Variants in RNGTT observed in about 807,000 individuals in gnomAD.
RNGTT encodes the protein RNA guanylyltransferase and 5'-phosphatase.
A neutral mutation model predicts 79.3 loss-of-function variants in RNGTT; 33 were observed. The observed-to-expected ratio is 0.42, with a 90% confidence interval of 0.32 to 0.56. The LOEUF (loss-of-function observed/expected upper bound fraction) is 0.56. Ranked by LOEUF, RNGTT falls within the 20% of genes least tolerant of loss-of-function variation. The probability of loss-of-function intolerance (pLI) is 0.17; values close to 1 mark genes in which losing one functional copy is unlikely to be tolerated. For synonymous variants in RNGTT, 222 were observed against 235.9 expected (o/e 0.94, Z 0.54); for missense variants, 497 against 739.1 (o/e 0.67, Z 3.80).
chr6:88,630,573 C>T lies in RNGTT; in HGVS notation c.1507-16178G>A, dbSNP rs189260510. 1.9e-3 allele frequency among the ~76,000 whole-genome samples: 290 copies of T among 152,290 alleles called. 4 individuals are homozygous for T. Among genetic ancestry groups the T allele is most frequent in the African/African-American group, 6.8e-3 (284 of 41,560 alleles). On this transcript the variant is annotated intron_variant, in intron 14 of 15. Coordinates refer to ENST00000369485, the MANE Select transcript of RNGTT (RefSeq NM_003800.5). Reference sequence around the variant, plus strand: ...TTGAGTAGGCCCACTGCAAAGCTTACTGATGGCAGAGCAAATAGCTGAATT... The same window carrying T: ...TTGAGTAGGCCCACTGCAAAGCTTATTGATGGCAGAGCAAATAGCTGAATT...
At chr6:88,808,512 A>G (rs1780033116) in intron 11 of RNGTT, among the ~76,000 whole-genome samples, 1 of 152,226 alleles carries the variant, frequency 6.6e-6, no homozygotes, top group Non-Finnish European at 1.5e-5. Flanking sequence ...ATCAAGTAGT[A>G]TGATAGTAGA....
intron 13 of RNGTT, among the ~76,000 whole-genome samples, chr6:88,737,614 T>G (rs995090822): frequency 6.6e-6 from 1 of 152,038 alleles, no homozygotes; most frequent in African/African-American, 2.4e-5. Flanking sequence ...CCTGATACAA[T>G]AGGATTAGAA....
intron 14 of RNGTT, among the ~76,000 whole-genome samples, chr6:88,621,926 A>ATGT (rs1377860794): frequency 6.6e-6 from 1 of 152,002 alleles, no homozygotes; most frequent in Non-Finnish European, 1.5e-5. Flanking sequence ...AAATAACCTG[A>ATGT]TGTTAACCAG....
Position 88,655,436 on chromosome 6 carries a change from C to T in RNGTT, c.1506+22917G>A, listed in dbSNP as rs116186521. 2.6e-3 allele frequency among the ~76,000 whole-genome samples: 399 copies of T among 152,196 alleles called. 1 individual carries two copies. Among genetic ancestry groups the T allele is most frequent in the African/African-American group, 9.0e-3 (373 of 41,542 alleles). On this transcript the variant is annotated intron_variant, in intron 14 of 15. Coordinates refer to ENST00000369485, the MANE Select transcript of RNGTT (RefSeq NM_003800.5). ...TCTTTGCATCTATTGCATATGCACA[C>T]GAATACAAACATCACTCTTACGTTT...
chr6:88,791,746 A>G (rs1010680084), intron 12 of RNGTT, among the ~76,000 whole-genome samples: 8 of 151,816 alleles, frequency 5.3e-5, no homozygotes, highest in Admixed American at 3.3e-4. Flanking sequence ...TCACCACGTT[A>G]GCCAGGATGG....
At chr6:88,882,306 G>C (rs1040123363) in intron 8 of RNGTT, among the ~76,000 whole-genome samples, 2 of 152,150 alleles carry the variant, frequency 1.3e-5, no homozygotes, top group Admixed American at 6.5e-5. Flanking sequence ...GCTCTAAATT[G>C]AATTTGTGCC....
intron 13 of RNGTT, among the ~76,000 whole-genome samples, chr6:88,712,123 A>T (rs1264752421): frequency 6.6e-6 from 1 of 152,200 alleles, no homozygotes; most frequent in African/African-American, 2.4e-5. Flanking sequence ...TTAGGGGGAT[A>T]AATTTAATCT....
At chr6:88,917,637 A>G (rs1189154297) in intron 4 of RNGTT, among the ~76,000 whole-genome samples, 2 of 152,224 alleles carry the variant, frequency 1.3e-5, no homozygotes, top group African/African-American at 4.8e-5. Context: ...TCCCCACCCC[A>G]GCACTTTGGG....
intron 14 of RNGTT, among the ~76,000 whole-genome samples, chr6:88,630,004 A>G (rs1203172643): frequency 3.9e-5 from 6 of 152,016 alleles, no homozygotes; most frequent in African/African-American, 1.4e-4. Context: ...TGCGCCCCCT[A>G]CCAATGCCAT....
intron 14 of RNGTT, among the ~76,000 whole-genome samples, chr6:88,639,384 C>G (rs1773223755): frequency 6.6e-6 from 1 of 152,126 alleles, no homozygotes; most frequent in Non-Finnish European, 1.5e-5. Flanking sequence ...GAGATATATA[C>G]TTCCTCACTT....
intron 13 of RNGTT, among the ~76,000 whole-genome samples, chr6:88,697,705 C>CA (rs747533245): frequency 7.3e-5 from 11 of 150,454 alleles, no homozygotes; most frequent in Non-Finnish European, 1.5e-4. Context: ...ACTAAAAATA[C>CA]AAAAAACAAA....
At chr6:88,875,151 A>T (rs1005322186) in intron 8 of RNGTT, among the ~76,000 whole-genome samples, 1 of 152,128 alleles carries the variant, frequency 6.6e-6, no homozygotes, top group African/African-American at 2.4e-5. Flanking sequence ...AAGTGAAAGG[A>T]GCAATGCAAT....
At chr6:88,898,650 G>GTA (rs1218585486) in intron 6 of RNGTT, among the ~76,000 whole-genome samples, 17 of 147,102 alleles carry the variant, frequency 1.2e-4, no homozygotes, top group Non-Finnish European at 2.1e-4. Flanking sequence ...ATAATTTTTA[G>GTA]TATATATACT....
intron 6 of RNGTT, among the ~76,000 whole-genome samples, chr6:88,899,055 T>G (rs1783356623): frequency 6.6e-6 from 1 of 151,856 alleles, no homozygotes; most frequent in African/African-American, 2.4e-5. Context: ...CTTTAATATA[T>G]TACTTATATG....
chr6:88,635,289 A>G (rs943869540), intron 14 of RNGTT, among the ~76,000 whole-genome samples: 1 of 152,098 alleles, frequency 6.6e-6, no homozygotes, highest in South Asian at 2.1e-4. Flanking sequence ...TTGAAAATAC[A>G]AAATCCAGAG....
chr6:88,883,291 G>C (rs1283917693), intron 8 of RNGTT, among the ~76,000 whole-genome samples: 2 of 152,042 alleles, frequency 1.3e-5, no homozygotes, highest in African/African-American at 4.8e-5. Flanking sequence ...GAACCCTGTG[G>C]ATCAGAATTA....
At chr6:88,788,727 C>G (rs1400969734) in intron 12 of RNGTT, among the ~76,000 whole-genome samples, 2 of 152,126 alleles carry the variant, frequency 1.3e-5, no homozygotes, top group African/African-American at 4.8e-5. Context: ...ATTTTTGAAA[C>G]CAGTGAGTGA....
intron 4 of RNGTT, among the ~76,000 whole-genome samples, chr6:88,915,285 C>T (rs749359799): frequency 5.9e-5 from 9 of 152,162 alleles, no homozygotes; most frequent in Non-Finnish European, 1.0e-4. Flanking sequence ...CAAAGGAACA[C>T]AAATCATTCT....
intron 13 of RNGTT, among the ~76,000 whole-genome samples, chr6:88,694,917 A>G (rs1351316856): frequency 6.6e-6 from 1 of 152,110 alleles, no homozygotes; most frequent in Non-Finnish European, 1.5e-5. Context: ...TTAACACACC[A>G]GCCCCCTGCT....
Sources: allele counts gnomAD v4.1 joint callset (sites outside exome capture counted in the v4.1 genomes callset), GRCh38; gene constraint gnomAD v4.1.1; transcripts MANE v1.5; gene names NCBI Gene and HGNC (gene_info 2026-07-23, HGNC 2026-07-21).